RAD50: variants seen among roughly 807,000 people sequenced by gnomAD.
RAD50 encodes the protein RAD50 double strand break repair protein.
Under a neutral mutation model 168.8 loss-of-function variants are expected in RAD50, and 132 were observed. The observed-to-expected ratio is 0.78, with a 90% CI of 0.68 to 0.90. RAD50 has a LOEUF of 0.90. Among genes scored for constraint, RAD50 ranks in the 40% least tolerant of loss-of-function variants. RAD50 has a pLI of 0.00. For missense variants in RAD50, 1,347 were observed against 1,534.4 expected, an observed-to-expected ratio of 0.88 and a Z score of 2.04; for synonymous variants, 525 against 497.4, an observed-to-expected ratio of 1.06 and a Z score of -0.74.
chr5:132,598,051 CT>C lies in RAD50; in HGVS notation c.2207+2255del, dbSNP rs11414936. Among the ~76,000 whole-genome samples the C allele has an allele frequency of 8.8e-3, 1,254 of 142,494 alleles. 14 individuals carry two copies. The highest frequency in any genetic ancestry group is 0.022 in the African/African-American group (878 of 39,074). The allele number at this position is 142,494 out of a possible 152,430, so 93.5% of individuals were successfully genotyped here. On this transcript the variant is annotated intron_variant, in intron 13 of 24. Transcript: ENST00000378823. ...TTTAGGACCCTAGCTATCACGGCTC[CT>C]TTTTTTTTTTTTTGAGACAGAGTTT...
chr5:132,598,721 T>C (rs1045345242), intron 13 of RAD50, among the ~76,000 whole-genome samples: 1 of 152,226 alleles, frequency 6.6e-6, no homozygotes, highest in Admixed American at 6.5e-5. Context: ...GGCCTCTGCA[T>C]GCGTCTTGGG....
At chr5:132,583,537 C>T (rs920780643) in intron 5 of RAD50, among the ~76,000 whole-genome samples, 2 of 152,154 alleles carry the variant, frequency 1.3e-5, no homozygotes, top group Non-Finnish European at 2.9e-5. Flanking sequence ...AGTCAGTCCT[C>T]TCCCCTGCTC....
At chr5:132,588,572 G>A in intron 7 of RAD50, 115 bp from the exon 8 acceptor site, 1 of 1,076,644 alleles carries the variant, frequency 9.3e-7, no homozygotes, top group Non-Finnish European at 1.3e-6. Context: ...GGGAGAAACT[G>A]GGCAAAATGT....
At chr5:132,633,098 CTT>C (rs34616055) in intron 21 of RAD50, among the ~76,000 whole-genome samples, 8 of 113,044 alleles carry the variant, frequency 7.1e-5, no homozygotes, top group African/African-American at 1.4e-4. Flanking sequence ...TTCGTTTTTT[CTT>C]TTTTTTTTTT....
chr5:132,631,180 T>A (rs1331029671), intron 21 of RAD50, among the ~76,000 whole-genome samples: 4 of 150,828 alleles, frequency 2.7e-5, no homozygotes, highest in Non-Finnish European at 5.9e-5. Context: ...GAGTTCATTC[T>A]TGCAAACTCG....
chr5:132,643,066 C>T lies in RAD50; in HGVS notation c.*702C>T. 1 of 529,752 alleles carries T rather than the reference C, an allele frequency of 1.9e-6. No individual in the cohort carries two copies. The highest frequency in any genetic ancestry group is 3.8e-6 in the Non-Finnish European group (1 of 262,832). The allele number at this position is 529,752 out of a possible 1,614,324, so 32.8% of individuals were successfully genotyped here. ...GAAATTCTCCACTGTGCACACCCAC[C>T]TTTGGAAAGCTCTGACCACTTGAGG... On this transcript the variant is annotated 3_prime_UTR_variant, in exon 25 of 25. Transcript: ENST00000378823.
Position 132,589,825 on chromosome 5 carries a change from G to A in RAD50, c.1440G>A (p.Glu480=). 1 of 1,610,678 alleles carries A rather than the reference G, an allele frequency of 6.2e-7. No homozygotes were observed. Among genetic ancestry groups the A allele is most frequent in the Non-Finnish European group, 8.5e-7 (1 of 1,177,446 alleles). The change falls in exon 9 of 25, where the codon GAG becomes GAA. Residue 480 remains glutamate, a synonymous_variant. Coordinates refer to ENST00000378823, the MANE Select transcript of RAD50 (RefSeq NM_005732.4). ...SSDRILELDQ[E]LIKAERELSK... ...ACAGGATTCTTGAACTGGACCAGGAGCTCATAAAAGCTGTAAGATATTGTT... is the reference window on the plus strand; with the variant it reads ...ACAGGATTCTTGAACTGGACCAGGAACTCATAAAAGCTGTAAGATATTGTT...
chr5:132,619,836 C>CTA (rs1220250912), intron 21 of RAD50, among the ~76,000 whole-genome samples: 165 of 114,374 alleles, frequency 1.4e-3, no homozygotes, highest in East Asian at 5.9e-3. Context: ...CTCTCTCTCT[C>CTA]TATATATATA....
At position 132,577,802 on chromosome 5, in the gene RAD50, A is replaced by ATTTT. The variant is rs923754085; in HGVS notation, c.366-1492_366-1489dup. The stretch of plus-strand genomic sequence containing the variant: ...ACCCAGACCTATTTACCCATTTCTG[A>ATTTT]TTTTTTTTTTTTTTTTTTTTTTTTT... On this transcript the variant is annotated intron_variant, in intron 3 of 24. Coordinates refer to ENST00000378823, the MANE Select transcript of RAD50 (RefSeq NM_005732.4). 5.3e-4 allele frequency among the ~76,000 whole-genome samples: 45 copies of ATTTT among 84,388 alleles called. 6 individuals are homozygous for ATTTT. Among genetic ancestry groups the ATTTT allele is most frequent in the African/African-American group, 2.5e-3 (43 of 16,928 alleles). The allele number at this position is 84,388 out of a possible 152,430, so 55.4% of individuals were successfully genotyped here.
intron 13 of RAD50, among the ~76,000 whole-genome samples, chr5:132,598,871 G>A (rs1750838689): frequency 1.3e-5 from 2 of 152,170 alleles, no homozygotes; most frequent in South Asian, 4.1e-4. Context: ...CTGTTGGTTA[G>A]AGTGGTCACA....
rs373760802 is a variant in RAD50 at position 132,608,775 on chromosome 5, T to G, written c.2829+50T>G. ...TTATCAAATATCTGTATTAAACTTA[T>G]GTTCATAGCACCACGTCGGACACTT... On this transcript the variant is annotated intron_variant, in intron 17 of 24. Transcript: ENST00000378823. 13 of 1,538,898 alleles carry G rather than the reference T, an allele frequency of 8.4e-6. No homozygotes were observed. The African/African-American group carries it at 1.4e-4, about 16-fold the overall frequency.
At chr5:132,581,348 G>A (rs1180755984) in intron 5 of RAD50, among the ~76,000 whole-genome samples, 2 of 152,040 alleles carry the variant, frequency 1.3e-5, no homozygotes, top group East Asian at 1.9e-4. Context: ...GCGAACTCCC[G>A]ACCTCAAGTG....
chr5:132,628,418 T>G (rs1182947752), intron 21 of RAD50, among the ~76,000 whole-genome samples: 2 of 151,766 alleles, frequency 1.3e-5, no homozygotes, highest in Non-Finnish European at 2.9e-5. Context: ...CTATTTGGAG[T>G]CAAATAAGAT....
intron 21 of RAD50, among the ~76,000 whole-genome samples, chr5:132,619,881 T>TAAAG (rs1287520043): frequency 1.6e-5 from 2 of 121,614 alleles, no homozygotes; most frequent in Non-Finnish European, 3.4e-5. Context: ...GATATATATA[T>TAAAG]ATATAGAGAG....
intron 2 of RAD50, 32 bp from the exon 3 acceptor site, chr5:132,575,745 A>C (rs1302468068): frequency 7.7e-6 from 12 of 1,553,736 alleles, no homozygotes; most frequent in East Asian, 2.2e-5. Flanking sequence ...TTATTAAAGT[A>C]ACATAAGTTT....
At chr5:132,569,617 T>C (rs1750266426) in intron 2 of RAD50, among the ~76,000 whole-genome samples, 1 of 152,210 alleles carries the variant, frequency 6.6e-6, no homozygotes, top group South Asian at 2.1e-4. Context: ...TTAACAACAC[T>C]GTTAACCAAA....
intron 13 of RAD50, among the ~76,000 whole-genome samples, chr5:132,599,563 T>C (rs1025164240): frequency 6.6e-6 from 1 of 152,150 alleles, no homozygotes; most frequent in Non-Finnish European, 1.5e-5. Context: ...GAGGACTTGA[T>C]TGATTGATAG....
At chr5:132,604,151 C>T (rs1750939176) in intron 15 of RAD50, 105 bp downstream of exon 15, 1 of 1,364,680 alleles carries the variant, frequency 7.3e-7, no homozygotes, top group South Asian at 1.2e-5. Flanking sequence ...GAAGTTCCTT[C>T]CTGTCCACAT....
chr5:132,561,825 T>C (rs563526362), intron 2 of RAD50, among the ~76,000 whole-genome samples: 1 of 151,722 alleles, frequency 6.6e-6, no homozygotes, highest in African/African-American at 2.4e-5. Context: ...GATGTCATCA[T>C]CCCTACATAA....
Sources: allele counts gnomAD v4.1 joint callset (sites outside exome capture counted in the v4.1 genomes callset), GRCh38; gene constraint gnomAD v4.1.1; transcripts MANE v1.5; gene names NCBI Gene and HGNC (gene_info 2026-07-23, HGNC 2026-07-21).